Variants in SMPDL3B observed in about 807,000 individuals in gnomAD.
SMPDL3B encodes sphingomyelin phosphodiesterase acid like 3B, also known as acid sphingomyelinase-like phosphodiesterase 3b.
SMPDL3B carries 31 observed loss-of-function variants against 37.9 expected under a neutral mutation model. That is an observed-to-expected ratio of 0.82 (90% CI 0.61 to 1.10). The LOEUF is 1.10. SMPDL3B is among the 50% of genes least tolerant of loss of function. SMPDL3B has a pLI of 0.00. For synonymous variants in SMPDL3B, 235 were observed against 242.6 expected (o/e 0.97, Z 0.29); for missense variants, 525 against 597.8 (o/e 0.88, Z 1.27).
rs116125759 is a variant in SMPDL3B, at chr1:27,939,682, C to T, written c.61+4438C>T. ...AAAAGTACAAGAAAATTTGCCAGGCCTGGTGGCACGTGCCTGTAGTCCCAG... is the reference window on the plus strand; with the variant it reads ...AAAAGTACAAGAAAATTTGCCAGGCTTGGTGGCACGTGCCTGTAGTCCCAG... On this transcript the variant is annotated intron_variant, in intron 1 of 7. Coordinates refer to ENST00000373894, the MANE Select transcript of SMPDL3B (RefSeq NM_014474.4). 8.8e-3 allele frequency among the ~76,000 whole-genome samples: 1,343 copies of T among 152,172 alleles called. 21 individuals are homozygous for T. Among genetic ancestry groups the T allele is most frequent in the African/African-American group, 0.031 (1,274 of 41,496 alleles).
chr1:27,953,457 C>T (rs571507181), intron 4 of SMPDL3B, 99 bp downstream of exon 4: 1 of 1,117,142 alleles, frequency 9.0e-7, no homozygotes, highest in Admixed American at 2.9e-5. Flanking sequence ...TGATTTTATC[C>T]CCAATTTACA....
intron 3 of SMPDL3B, among the ~76,000 whole-genome samples, chr1:27,950,456 C>T (rs576238543): frequency 3.9e-5 from 6 of 152,194 alleles, no homozygotes; most frequent in African/African-American, 1.4e-4. Context: ...AAATGCTTCA[C>T]TGACTGTTTT....
Position 27,954,460 on chromosome 1 carries a change from G to A in SMPDL3B, c.624G>A (p.Ala208=), listed in dbSNP as rs113642472. 6.0e-4 allele frequency: 971 copies of A among 1,614,088 alleles called. No homozygotes were observed. In the African/African-American group the frequency reaches 0.011, roughly 18 times the overall value. Residue 208 remains alanine, a synonymous_variant, in exon 5 of 8, where the codon GCG becomes GCA. Transcript: ENST00000373894. ...YTSNALTADM[A]DPGQQFQWLE... ...GCAATGCGCTGACAGCAGACATGGC[G>A]GACCCTGGCCAGCAGTTCCAGTGGC... is the stretch of plus-strand genomic sequence containing the variant.
At chr1:27,941,890 G>C (rs2090362486) in intron 1 of SMPDL3B, among the ~76,000 whole-genome samples, 1 of 152,090 alleles carries the variant, frequency 6.6e-6, no homozygotes, top group Non-Finnish European at 1.5e-5. Context: ...CAAGGAGTTG[G>C]AGCTGCCCAC....
At chr1:27,954,250 G>C in intron 4 of SMPDL3B, 104 bp from the exon 5 acceptor site, 1 of 1,096,526 alleles carries the variant, frequency 9.1e-7, no homozygotes, top group Non-Finnish European at 1.3e-6. Context: ...AGATGGGAGG[G>C]GAAGATGCAA....
chr1:27,949,216 C>G, intron 3 of SMPDL3B, 54 bp downstream of exon 3: 1 of 1,571,146 alleles, frequency 6.4e-7, no homozygotes, highest in East Asian at 2.2e-5. Context: ...TAGGCACTGC[C>G]TGGCACAGTG....
chr1:27,935,411 G>A (rs2090298764), intron 1 of SMPDL3B, among the ~76,000 whole-genome samples, 167 bp downstream of exon 1: 1 of 152,192 alleles, frequency 6.6e-6, no homozygotes, highest in African/African-American at 2.4e-5. Context: ...TGCTGTTTGA[G>A]GCTGAAGATT....
At chr1:27,957,547 AG>A (rs1408545143) in intron 7 of SMPDL3B, among the ~76,000 whole-genome samples, 2 of 152,154 alleles carry the variant, frequency 1.3e-5, no homozygotes, top group Non-Finnish European at 2.9e-5. Flanking sequence ...AGGTGAGGAT[AG>A]AGATGTGATC....
intron 1 of SMPDL3B, among the ~76,000 whole-genome samples, chr1:27,936,142 A>T (rs2090306299): frequency 6.6e-6 from 1 of 152,048 alleles, no homozygotes; most frequent in Admixed American, 6.6e-5. Flanking sequence ...ATCTATTCTG[A>T]CTTCTGTATG....
intron 1 of SMPDL3B, among the ~76,000 whole-genome samples, chr1:27,943,710 T>C (rs2090379094): frequency 6.6e-6 from 1 of 152,112 alleles, no homozygotes; most frequent in Non-Finnish European, 1.5e-5. Context: ...TTGAAACAAC[T>C]TGTGCTGGCC....
rs1353992769 is a variant in SMPDL3B, at chr1:27,958,075, T to G, written c.1006-401T>G. Among the ~76,000 whole-genome samples the G allele has an allele frequency of 6.6e-6, 1 of 152,180 alleles. No homozygotes were observed. The highest frequency in any genetic ancestry group is 1.5e-5 in the Non-Finnish European group (1 of 68,032). The stretch of plus-strand genomic sequence containing the variant: ...AGTCTACAGTTCATAATCTCTCTCA[T>G]GCTTAGTGTTGCTCTTTTTATGTTG... On this transcript the variant is annotated intron_variant, in intron 7 of 7. Transcript: ENST00000373894. The surrounding 1 kb of genome is among the most constrained non-coding windows in gnomAD (Gnocchi z 5.6).
At chr1:27,956,336 C>T (rs1638274206) in intron 7 of SMPDL3B, 1 of 1,406,518 alleles carries the variant, frequency 7.1e-7, no homozygotes, top group Non-Finnish European at 9.4e-7. Flanking sequence ...GCCTCTGGCC[C>T]TGCCCTGCTA....
intron 2 of SMPDL3B, among the ~76,000 whole-genome samples, chr1:27,948,264 G>A (rs1031979308): frequency 1.3e-5 from 2 of 152,156 alleles, no homozygotes; most frequent in Admixed American, 6.5e-5. Context: ...TTATAATGGG[G>A]AAAAAATTAG....
At chr1:27,949,275 C>A in intron 3 of SMPDL3B, 113 bp downstream of exon 3, 1 of 1,118,242 alleles carries the variant, frequency 8.9e-7, no homozygotes, top group Non-Finnish European at 1.3e-6. Context: ...CCATGGACAG[C>A]GATGGCTGTT....
At chr1:27,944,763 C>T (rs541496088) in intron 1 of SMPDL3B, among the ~76,000 whole-genome samples, 22 of 150,418 alleles carry the variant, frequency 1.5e-4, no homozygotes, top group African/African-American at 4.4e-4. Context: ...CCAAGAAATT[C>T]CAGGACAGGT....
At chr1:27,950,964 G>A (rs1401684675) in intron 3 of SMPDL3B, among the ~76,000 whole-genome samples, 1 of 152,106 alleles carries the variant, frequency 6.6e-6, no homozygotes, top group Non-Finnish European at 1.5e-5. Flanking sequence ...GGTTCTTGCT[G>A]TGTTGCCTAG....
chr1:27,935,231 C>T lies in SMPDL3B; in HGVS notation c.48C>T (p.Ala16=). 6.2e-7 allele frequency: 1 copy of T among 1,613,298 alleles called. No homozygotes were observed. The highest frequency in any genetic ancestry group is 8.5e-7 in the Non-Finnish European group (1 of 1,179,258). ...TTTTCCTGGCTAACTGGGGAGGTGC[C>T]AGGGCTGAACCAGGTACAGCACTGG... ...WLIFLANWGG[A]RAEPGKFWHI... The change falls in exon 1 of 8, where the codon GCC becomes GCT. Residue 16 remains alanine, a synonymous_variant. Transcript: ENST00000373894.
At chr1:27,953,437 G>A (rs533019772) in intron 4 of SMPDL3B, 79 bp downstream of exon 4, 2 of 1,255,400 alleles carry the variant, frequency 1.6e-6, no homozygotes, top group East Asian at 2.4e-5. Flanking sequence ...CAACCTCTTA[G>A]AATAAGTACT....
intron 1 of SMPDL3B, among the ~76,000 whole-genome samples, chr1:27,943,463 C>T (rs1354305418): frequency 6.6e-6 from 1 of 152,080 alleles, no homozygotes; most frequent in Non-Finnish European, 1.5e-5. Flanking sequence ...TGTCCTGTGG[C>T]CTGGGTGGGG....
Sources: allele counts gnomAD v4.1 joint callset (sites outside exome capture counted in the v4.1 genomes callset), GRCh38; gene constraint gnomAD v4.1.1; non-coding constraint Gnocchi (gnomAD v3.1); transcripts MANE v1.5; gene names NCBI Gene and HGNC (gene_info 2026-07-23, HGNC 2026-07-21).